Variants in ZDHHC11B observed in about 807,000 individuals in gnomAD.
ZDHHC11B encodes probable palmitoyltransferase ZDHHC11B.
In ZDHHC11B, 17 loss-of-function variants were observed where a neutral mutation model predicts 42.3. The ratio of observed to expected loss-of-function variants is 0.40; its 90% CI spans 0.27 to 0.60. The LOEUF (loss-of-function observed/expected upper bound fraction) is 0.60, where lower values mean the gene tolerates loss of function less well. Ranked by LOEUF, ZDHHC11B falls within the 20% of genes least tolerant of loss-of-function variation. The probability of loss-of-function intolerance (pLI) is 0.41; values close to 1 mark genes in which losing one functional copy is unlikely to be tolerated. For missense variants in ZDHHC11B, 262 were observed against 463.2 expected (o/e 0.57, Z 3.99); for synonymous variants, 123 against 193.5 (o/e 0.64, Z 3.02).
chr5:776,981 G>C lies in ZDHHC11B; in HGVS notation c.-230+7687C>G, dbSNP rs370938326. ...AGGCAGAGCTCCCAATCAGAACAAA[G>C]CTGGCAGTTTTGAGTCCGTGCCTTT... On this transcript the variant is annotated intron_variant, in intron 1 of 13. Coordinates refer to ENST00000508859, the MANE Select transcript of ZDHHC11B (RefSeq NM_001351303.2). Among the ~76,000 whole-genome samples the C allele has an allele frequency of 7.2e-5, 11 of 152,032 alleles. 1 individual carries two copies. The East Asian group carries it at 1.7e-3, about 24-fold the overall frequency.
At chr5:748,167 C>T in intron 8 of ZDHHC11B, 1 of 581,498 alleles carries the variant, frequency 1.7e-6, no homozygotes, top group Non-Finnish European at 3.0e-6. Flanking sequence ...AGTTCAGCTT[C>T]TTGCTGGGCC....
At chr5:743,275 C>T (rs1376819563) in intron 9 of ZDHHC11B, among the ~76,000 whole-genome samples, 1 of 149,676 alleles carries the variant, frequency 6.7e-6, no homozygotes, top group African/African-American at 2.5e-5. Flanking sequence ...ATGTCTCTCT[C>T]TATGTCAGCG....
intron 1 of ZDHHC11B, among the ~76,000 whole-genome samples, chr5:776,108 A>T (rs548045189): frequency 6.7e-6 from 1 of 148,714 alleles, no homozygotes; most frequent in Non-Finnish European, 1.5e-5. Context: ...CCTCCACCCC[A>T]GGCTGGCTGC....
At chr5:771,868 T>C (rs1382968698) in intron 1 of ZDHHC11B, among the ~76,000 whole-genome samples, 1 of 145,190 alleles carries the variant, frequency 6.9e-6, no homozygotes, top group Non-Finnish European at 1.5e-5. Context: ...CCTCAGAGAG[T>C]CATCTGAGAA....
intron 7 of ZDHHC11B, among the ~76,000 whole-genome samples, chr5:748,762 C>T (rs1323900320): frequency 3.1e-5 from 4 of 129,926 alleles, no homozygotes; most frequent in African/African-American, 1.0e-4. Flanking sequence ...ATGATCCCTG[C>T]TTTATGGATC....
At position 780,445 on chromosome 5, in the gene ZDHHC11B, C is replaced by A. The variant is rs1289813164; in HGVS notation, c.-230+4223G>T. On this transcript the variant is annotated intron_variant, in intron 1 of 13. Coordinates refer to ENST00000508859, the MANE Select transcript of ZDHHC11B (RefSeq NM_001351303.2). ...CTGGGGCTCCTCGACGCAGTGTGGA[C>A]GGACCACTCGCGCACACTATTGATC... Among the ~76,000 whole-genome samples the A allele has an allele frequency of 2.6e-5, 4 of 151,152 alleles. No homozygotes were observed. In the South Asian group the frequency reaches 8.3e-4, roughly 31 times the overall value.
At chr5:731,534 G>A (rs1173899888) in intron 11 of ZDHHC11B, among the ~76,000 whole-genome samples, 22 of 151,100 alleles carry the variant, frequency 1.5e-4, no homozygotes, top group South Asian at 6.3e-4. Flanking sequence ...GGTGAAGAAC[G>A]TGTTCAATCT....
intron 1 of ZDHHC11B, among the ~76,000 whole-genome samples, 107 bp downstream of exon 1, chr5:784,561 G>A (rs1561210818): frequency 6.6e-6 from 1 of 152,214 alleles, no homozygotes; most frequent in African/African-American, 2.4e-5. Context: ...GGGAGCGCGG[G>A]GGGCAGGGGC....
At chr5:773,533 C>G (rs1736224683) in intron 1 of ZDHHC11B, among the ~76,000 whole-genome samples, 1 of 151,852 alleles carries the variant, frequency 6.6e-6, no homozygotes, top group Non-Finnish European at 1.5e-5. Flanking sequence ...GTGCCCTGCA[C>G]TCCCAGGCCT....
chr5:730,421 C>T lies in ZDHHC11B; in HGVS notation c.1058+13G>A, dbSNP rs777949916. ...AGACAGATAAAACGTTCCCATTAAA[C>T]TTACGAACTTACCCAAGTGTAGATG... On this transcript the variant is annotated intron_variant, in intron 12 of 13. Transcript: ENST00000508859. 5.5e-5 allele frequency: 87 copies of T among 1,577,058 alleles called. 1 individual carries two copies. In the East Asian group the frequency reaches 1.9e-3, roughly 35 times the overall value.
At chr5:715,955 A>T (rs62332074) in intron 13 of ZDHHC11B, among the ~76,000 whole-genome samples, 7 of 149,642 alleles carry the variant, frequency 4.7e-5, no homozygotes. Flanking sequence ...TCTTGTATGG[A>T]TCATGCCTTT....
chr5:783,550 A>T (rs1482220806), intron 1 of ZDHHC11B, among the ~76,000 whole-genome samples: 1 of 152,250 alleles, frequency 6.6e-6, no homozygotes, highest in African/African-American at 2.4e-5. Context: ...CTGCACGCAG[A>T]AGAGCCAATA....
intron 12 of ZDHHC11B, among the ~76,000 whole-genome samples, chr5:721,154 A>G (rs1231777763): frequency 2.0e-5 from 3 of 151,504 alleles, no homozygotes; most frequent in Non-Finnish European, 1.5e-5. Context: ...CATTTAAGAC[A>G]TTAATTATTA....
intron 1 of ZDHHC11B, among the ~76,000 whole-genome samples, chr5:775,051 G>T (rs1324085096): frequency 6.6e-6 from 1 of 151,920 alleles, no homozygotes; most frequent in Non-Finnish European, 1.5e-5. Context: ...GAGTCAGTGG[G>T]AGCTACTACC....
At chr5:775,405 G>A (rs1450899107) in intron 1 of ZDHHC11B, among the ~76,000 whole-genome samples, 4 of 151,988 alleles carry the variant, frequency 2.6e-5, no homozygotes, top group Non-Finnish European at 5.9e-5. Context: ...GGCACAGCCT[G>A]AGGGAGAACC....
chr5:760,034 C>T (rs388889), intron 4 of ZDHHC11B, among the ~76,000 whole-genome samples: 85,518 of 150,818 alleles, frequency 0.57, 21,568 homozygotes, highest in East Asian at 0.8. Context: ...GCACCAAGTG[C>T]TCCTTTAGAA....
intron 12 of ZDHHC11B, among the ~76,000 whole-genome samples, chr5:718,831 A>G (rs1400501008): frequency 1.3e-5 from 2 of 151,744 alleles, no homozygotes; most frequent in African/African-American, 4.9e-5. Context: ...ACATTCTTGG[A>G]GCAGCTGGCT....
chr5:777,879 C>T (rs1389673884), intron 1 of ZDHHC11B, among the ~76,000 whole-genome samples: 4 of 151,516 alleles, frequency 2.6e-5, no homozygotes, highest in African/African-American at 4.9e-5. Context: ...GGCGCCCTTC[C>T]GGGAGGCCCC....
At chr5:769,038 C>T (rs116174721) in intron 1 of ZDHHC11B, 108 bp from the exon 2 acceptor site, 98,021 of 762,348 alleles carry the variant, frequency 0.13, 11,652 homozygotes, top group African/African-American at 0.25. Flanking sequence ...GTGATTGGTG[C>T]GGGTGGGGGG....
Sources: allele counts gnomAD v4.1 joint callset (sites outside exome capture counted in the v4.1 genomes callset), GRCh38; gene constraint gnomAD v4.1.1; transcripts MANE v1.5; gene names NCBI Gene and HGNC (gene_info 2026-07-23, HGNC 2026-07-21).